EML1: variants seen among roughly 807,000 people sequenced by gnomAD.
EML1 encodes EMAP like 1, also known as echinoderm microtubule-associated protein-like 1.
Under a neutral mutation model 110.4 loss-of-function variants are expected in EML1, and 27 were observed. The ratio of observed to expected loss-of-function variants is 0.24; its 90% CI spans 0.18 to 0.34. The LOEUF is 0.34. Among genes scored for constraint, EML1 ranks in the 10% least tolerant of loss-of-function variants. EML1 has a pLI of 1.00. For synonymous variants in EML1, 344 were observed against 385.8 expected, an observed-to-expected ratio of 0.89 and a Z score of 1.27; for missense variants, 741 against 1,030.9, an observed-to-expected ratio of 0.72 and a Z score of 3.85.
chr14:99,900,877 C>A, intron 8 of EML1, 52 bp from the exon 9 acceptor site: 1 of 1,471,592 alleles, frequency 6.8e-7, no homozygotes, highest in Non-Finnish European at 9.5e-7. Flanking sequence ...AAGGTAAAGA[C>A]ACATGTGTAT....
chr14:99,740,995 C>T (rs1442566266), intron 1 of EML1, among the ~76,000 whole-genome samples: 2 of 152,202 alleles, frequency 1.3e-5, no homozygotes, highest in African/African-American at 4.8e-5. Context: ...GGGAAAGTTT[C>T]CAGCAAAGCA....
chr14:99,930,715 G>A (rs1195899709), intron 17 of EML1, among the ~76,000 whole-genome samples: 1 of 152,148 alleles, frequency 6.6e-6, no homozygotes, highest in African/African-American at 2.4e-5. Flanking sequence ...TGATTGGACA[G>A]GATGGAGTTT....
intron 1 of EML1, among the ~76,000 whole-genome samples, chr14:99,810,848 GATAC>G (rs1167125544): frequency 6.6e-6 from 1 of 152,156 alleles, no homozygotes; most frequent in Non-Finnish European, 1.5e-5. Context: ...ACAAAAAAAT[GATAC>G]ATATGTGATG....
At chr14:99,938,585 C>T (rs1369089911) in intron 20 of EML1, among the ~76,000 whole-genome samples, 2 of 151,910 alleles carry the variant, frequency 1.3e-5, no homozygotes, top group Non-Finnish European at 2.9e-5. Flanking sequence ...TCCAGGCCCA[C>T]CTGGGCTCAC....
intron 3 of EML1, among the ~76,000 whole-genome samples, chr14:99,868,733 G>T (rs1338226498): frequency 2.0e-5 from 3 of 151,198 alleles, no homozygotes; most frequent in Non-Finnish European, 4.4e-5. Flanking sequence ...TTTCAATTTT[G>T]TTGATCTTTT....
At chr14:99,867,623 G>A (rs1009024873) in intron 3 of EML1, among the ~76,000 whole-genome samples, 2 of 151,888 alleles carry the variant, frequency 1.3e-5, no homozygotes, top group African/African-American at 4.8e-5. Flanking sequence ...TTTCAGCTTG[G>A]TCATTGTTAT....
intron 1 of EML1, among the ~76,000 whole-genome samples, chr14:99,758,696 G>A (rs1053576631): frequency 1.3e-5 from 2 of 152,114 alleles, no homozygotes; most frequent in East Asian, 1.9e-4. Flanking sequence ...TATGCACAGC[G>A]GGTCCTCATA....
intron 1 of EML1, among the ~76,000 whole-genome samples, chr14:99,748,417 G>A (rs1345487112): frequency 6.6e-6 from 1 of 151,994 alleles, no homozygotes; most frequent in South Asian, 2.1e-4. Flanking sequence ...TCCAATCCTG[G>A]CTTTGTTATC....
chr14:99,773,206 C>G (rs2057444384), exon 1 of EML1: 2 of 152,276 alleles, frequency 1.3e-5, no homozygotes, highest in African/African-American at 2.4e-5. Flanking sequence ...TAAAGACATT[C>G]AAAAGTAATG....
chr14:99,914,519 G>A (rs369500228), intron 14 of EML1, 47 bp from the exon 15 acceptor site: 23 of 1,562,824 alleles, frequency 1.5e-5, no homozygotes, highest in South Asian at 3.6e-5. Flanking sequence ...TCCTGAGTGC[G>A]AACTGTAGTA....
At chr14:99,774,822 C>T (rs774975305) in intron 1 of EML1, among the ~76,000 whole-genome samples, 15 of 152,194 alleles carry the variant, frequency 9.9e-5, no homozygotes, top group Admixed American at 2.0e-4. Context: ...GGGTGGCTTG[C>T]CAGCATCCTC....
intron 2 of EML1, among the ~76,000 whole-genome samples, chr14:99,858,927 G>A (rs1355230508): frequency 6.6e-6 from 1 of 152,120 alleles, no homozygotes; most frequent in African/African-American, 2.4e-5. Context: ...TAAGCCTAAT[G>A]GGAGTTTTAT....
At chr14:99,850,333 G>T in intron 1 of EML1, 1 of 1,289,056 alleles carries the variant, frequency 7.8e-7, no homozygotes, top group South Asian at 1.2e-5. Context: ...ATGATTCTGA[G>T]TAAGAAAATA....
intron 3 of EML1, among the ~76,000 whole-genome samples, chr14:99,870,380 G>T (rs2059176875): frequency 6.6e-6 from 1 of 152,238 alleles, no homozygotes; most frequent in Admixed American, 6.5e-5. Flanking sequence ...TAACATAAAA[G>T]TGCAAGGTAA....
chr14:99,845,786 C>T (rs55784949), intron 1 of EML1, among the ~76,000 whole-genome samples: 33,762 of 151,832 alleles, frequency 0.22, 4,481 homozygotes, highest in Non-Finnish European at 0.29. Context: ...CGCTGAGGCT[C>T]ACGCCTGTAA....
intron 1 of EML1, among the ~76,000 whole-genome samples, chr14:99,740,933 A>G (rs2057034558): frequency 6.6e-6 from 1 of 152,180 alleles, no homozygotes; most frequent in South Asian, 2.1e-4. Flanking sequence ...TCCTGGCCAG[A>G]ATCTGCAGGA....
intron 17 of EML1, among the ~76,000 whole-genome samples, chr14:99,930,704 A>T (rs915000676): frequency 4.6e-5 from 7 of 152,320 alleles, no homozygotes; most frequent in Non-Finnish European, 8.8e-5. Flanking sequence ...AGAGCACTTT[A>T]TGATTGGACA....
At chr14:99,829,681 A>G (rs1566886731) in intron 1 of EML1, among the ~76,000 whole-genome samples, 1 of 152,130 alleles carries the variant, frequency 6.6e-6, no homozygotes, top group Admixed American at 6.5e-5. Context: ...CTGTCTCTGA[A>G]TTTGCCTACT....
At chr14:99,908,426 T>G (rs1373651049) in intron 10 of EML1, among the ~76,000 whole-genome samples, 1 of 152,238 alleles carries the variant, frequency 6.6e-6, no homozygotes, top group Admixed American at 6.5e-5. Context: ...ATAACCTTAG[T>G]CACCTAACTT....
Sources: allele counts gnomAD v4.1 joint callset (sites outside exome capture counted in the v4.1 genomes callset), GRCh38; gene constraint gnomAD v4.1.1; transcripts MANE v1.5; gene names NCBI Gene and HGNC (gene_info 2026-07-23, HGNC 2026-07-21).